MMD: variants seen among roughly 807,000 people sequenced by gnomAD.
The protein encoded by MMD is monocyte to macrophage differentiation associated, also known as monocyte to macrophage differentiation factor.
A neutral mutation model predicts 33.6 loss-of-function variants in MMD; 22 were observed. That is an observed-to-expected ratio of 0.66 (90% CI 0.47 to 0.94). MMD has a LOEUF of 0.94. Ranked by LOEUF, MMD falls within the 40% of genes least tolerant of loss-of-function variation. The pLI, the probability that MMD is intolerant of heterozygous loss-of-function variation, is 0.00. For missense variants in MMD, 242 were observed against 309.8 expected, an observed-to-expected ratio of 0.78 and a Z score of 1.64; for synonymous variants, 97 against 103.2, an observed-to-expected ratio of 0.94 and a Z score of 0.36.
chr17:55,411,199 A>G, intron 3 of MMD, 58 bp downstream of exon 3: 1 of 1,553,318 alleles, frequency 6.4e-7, no homozygotes, highest in Non-Finnish European at 8.7e-7. Flanking sequence ...TTGGAAGGGT[A>G]CCAAACACGT....
intron 6 of MMD, among the ~76,000 whole-genome samples, chr17:55,398,835 G>A (rs1358050622): frequency 6.6e-6 from 1 of 152,188 alleles, no homozygotes; most frequent in Non-Finnish European, 1.5e-5. Flanking sequence ...TCTGAACTCT[G>A]CTTGGTTGGA....
intron 1 of MMD, chr17:55,420,476 G>C (rs1312025261): frequency 6.6e-6 from 1 of 152,132 alleles, no homozygotes; most frequent in Admixed American, 6.6e-5. Context: ...TCCCCTTCCT[G>C]GTGGCCCAGA....
At chr17:55,407,298 C>CT (rs1567848782) in intron 4 of MMD, among the ~76,000 whole-genome samples, 178 of 136,390 alleles carry the variant, frequency 1.3e-3, no homozygotes, top group Admixed American at 3.9e-3. Flanking sequence ...GACTCCATCT[C>CT]AAAATAAATA....
At chr17:55,398,093 T>C (rs886602718) in intron 6 of MMD, among the ~76,000 whole-genome samples, 15 of 137,988 alleles carry the variant, frequency 1.1e-4, no homozygotes, top group African/African-American at 3.4e-4. Context: ...TTTGGAAAAG[T>C]TGTAACTATT....
chr17:55,421,497 G>A (rs1285563670), intron 1 of MMD, among the ~76,000 whole-genome samples, 173 bp downstream of exon 1: 2 of 152,230 alleles, frequency 1.3e-5, no homozygotes, highest in African/African-American at 4.8e-5. Flanking sequence ...TGGAGGAAGG[G>A]GATCGCCCAG....
Position 55,394,348 on chromosome 17 carries a change from T to A in MMD, c.703A>T (p.Met235Leu). 7.3e-7 allele frequency: 1 copy of A among 1,379,178 alleles called. No individual in the cohort carries two copies. The highest frequency in any genetic ancestry group is 9.4e-7 in the Non-Finnish European group (1 of 1,059,768). 85.4% of individuals were successfully genotyped at this position (1,379,178 alleles called of 1,614,324 possible). A position where few individuals can be genotyped will look rare whatever the true frequency, so the allele number is the denominator to read the frequency against. ...KYLYRSPTDF[M>L]RHL ...GTACAGATTGGTCATAAATGCCGCA[T>A]AAAGTCCGTAGGACTTCGGTAAAGG... The change falls in exon 7 of 7, where the codon ATG becomes TTG. Residue 235 changes from methionine (M) to leucine (L), a missense_variant. Physicochemically the swap from Met to Leu is conservative, Grantham distance 15 (BLOSUM62 2). Transcript: ENST00000262065.
chr17:55,421,607 A>G, intron 1 of MMD, 63 bp downstream of exon 1: 1 of 1,582,532 alleles, frequency 6.3e-7, no homozygotes, highest in Non-Finnish European at 8.6e-7. Context: ...CGTGCGCTTA[A>G]CGGCGGGATT....
chr17:55,409,805 G>A (rs944244664), intron 3 of MMD, among the ~76,000 whole-genome samples: 1 of 152,098 alleles, frequency 6.6e-6, no homozygotes, highest in African/African-American at 2.4e-5. Context: ...TCTAGACATC[G>A]AAGCCAAGTT....
At chr17:55,411,129 T>C (rs1907743671) in intron 3 of MMD, 128 bp downstream of exon 3, 2 of 1,046,682 alleles carry the variant, frequency 1.9e-6, no homozygotes, top group Non-Finnish European at 2.7e-6. Flanking sequence ...GGGATAGTAT[T>C]CTAGTCTACA....
At chr17:55,404,440 T>G (rs1270040993) in intron 4 of MMD, 2 of 981,352 alleles carry the variant, frequency 2.0e-6, no homozygotes, top group African/African-American at 3.5e-5. Flanking sequence ...AGCACTCTTA[T>G]GACGCCTAAC....
At chr17:55,402,087 CAAAA>C (rs55724383) in intron 5 of MMD, among the ~76,000 whole-genome samples, 3 of 92,044 alleles carry the variant, frequency 3.3e-5, no homozygotes, top group Non-Finnish European at 2.1e-5. Context: ...GACTCAGTCT[CAAAA>C]AAAAAAAAAA....
chr17:55,401,480 C>T lies in MMD; in HGVS notation c.505G>A (p.Val169Met). The change falls in exon 6 of 7, where the codon GTG (valine) becomes ATG (methionine). Residue 169 changes from valine to methionine, a missense_variant. Coordinates refer to ENST00000262065, the MANE Select transcript of MMD (RefSeq NM_012329.3). ...AAGCCATGTCTTACCATTGATGTCA[C>T]CACCAAGGCTGGAGAGAATCCCATT... is the stretch of plus-strand genomic sequence containing the variant. ...LTMGFSPALV[V>M]TSMNNTDGLQ... 1 of 1,609,770 alleles carries T rather than the reference C, an allele frequency of 6.2e-7. No homozygotes were observed.
intron 4 of MMD, among the ~76,000 whole-genome samples, chr17:55,404,282 G>T (rs1257149531): frequency 6.6e-6 from 1 of 152,030 alleles, no homozygotes; most frequent in African/African-American, 2.4e-5. Context: ...TTGAGCCCGG[G>T]AGGCAGAGGT....
intron 6 of MMD, among the ~76,000 whole-genome samples, chr17:55,400,306 G>T (rs1907275845): frequency 6.6e-6 from 1 of 152,152 alleles, no homozygotes; most frequent in Non-Finnish European, 1.5e-5. Context: ...TCAGCACTTT[G>T]GGAGGCCGAG....
At chr17:55,407,681 AAGG>A (rs1190974368) in intron 4 of MMD, 62 bp downstream of exon 4, 3 of 1,445,130 alleles carry the variant, frequency 2.1e-6, no homozygotes, top group East Asian at 4.6e-5. Context: ...GGAGAAAGGA[AAGG>A]AGGAGTGAGG....
intron 6 of MMD, 127 bp downstream of exon 6, chr17:55,401,342 C>A (rs1350096714): frequency 3.8e-6 from 3 of 785,846 alleles, no homozygotes; most frequent in East Asian, 3.0e-5. Context: ...TTTATAAGTT[C>A]TTTTTCTTTT....
chr17:55,418,996 T>C (rs1056724239), intron 1 of MMD, among the ~76,000 whole-genome samples: 2 of 152,150 alleles, frequency 1.3e-5, no homozygotes, highest in African/African-American at 4.8e-5. Context: ...AGATGTGGTG[T>C]GGGCAGAGAG....
chr17:55,411,214 T>G, intron 3 of MMD, 43 bp downstream of exon 3: 1 of 1,576,832 alleles, frequency 6.3e-7, no homozygotes, highest in East Asian at 2.2e-5. Context: ...ACACGTTGAG[T>G]CAACTATTTG....
intron 6 of MMD, 78 bp from the exon 7 acceptor site, chr17:55,394,612 T>C (rs1907033747): frequency 1.3e-5 from 15 of 1,149,510 alleles, no homozygotes; most frequent in Non-Finnish European, 1.7e-5. Flanking sequence ...TAATTCTCTC[T>C]AAGGCTCTTG....
Sources: allele counts gnomAD v4.1 joint callset (sites outside exome capture counted in the v4.1 genomes callset), GRCh38; gene constraint gnomAD v4.1.1; transcripts MANE v1.5; gene names NCBI Gene and HGNC (gene_info 2026-07-23, HGNC 2026-07-21).